Variants in CDKN2AIPNL observed in about 807,000 individuals in gnomAD.
CDKN2AIPNL encodes the protein XRN2 binding domain containing 1, also known as CDKN2AIP N-terminal-like protein.
CDKN2AIPNL carries 9 observed loss-of-function variants against 12.9 expected under a neutral mutation model. The ratio of observed to expected loss-of-function variants is 0.70; its 90% CI spans 0.42 to 1.22. CDKN2AIPNL has a LOEUF of 1.22. CDKN2AIPNL is among the 50% of genes most tolerant of loss of function. The probability of loss-of-function intolerance (pLI) is 0.00; values close to 1 mark genes in which losing one functional copy is unlikely to be tolerated. For missense variants in CDKN2AIPNL, 143 were observed against 153.6 expected, an observed-to-expected ratio of 0.93 and a Z score of 0.37; for synonymous variants, 53 against 61.7, an observed-to-expected ratio of 0.86 and a Z score of 0.66.
chr5:134,411,136 G>C (rs1469613494), intron 1 of CDKN2AIPNL: 5 of 702,308 alleles, frequency 7.1e-6, no homozygotes, highest in Non-Finnish European at 1.3e-5. Flanking sequence ...TCTCATTAGT[G>C]ATTAAAATCC....
In CDKN2AIPNL at chr5:134,411,730, T is replaced by G; in HGVS notation, c.125A>C (p.Glu42Ala). The change falls in exon 1 of 3, where the codon GAA becomes GCA. Residue 42 changes from glutamate (E) to alanine (A), a missense_variant. Glu to Ala is a moderately radical substitution (Grantham distance 107, BLOSUM62 -1). This residue lies in a region of CDKN2AIPNL where 111 missense variants were observed against 111.4 expected (regional missense o/e 1.00). Coordinates refer to ENST00000458198, the MANE Select transcript of CDKN2AIPNL (RefSeq NM_080656.3). ...ESEKQWKARM[E>A]FILRHLPDYR... ...GTCGGGCAGGTGGCGCAGGATGAATTCCATGCGGGCCTTCCATTGCTTCTC... is the reference window on the plus strand; with the variant it reads ...GTCGGGCAGGTGGCGCAGGATGAATGCCATGCGGGCCTTCCATTGCTTCTC... 1 of 1,613,092 alleles carries G rather than the reference T, an allele frequency of 6.2e-7. No homozygotes were observed. Among genetic ancestry groups the G allele is most frequent in the Non-Finnish European group, 8.5e-7 (1 of 1,179,826 alleles).
At chr5:134,405,330 C>T (rs1426610017) in intron 2 of CDKN2AIPNL, among the ~76,000 whole-genome samples, 1 of 151,338 alleles carries the variant, frequency 6.6e-6, no homozygotes, top group Non-Finnish European at 1.5e-5. Flanking sequence ...TGGTCTCGAT[C>T]TCCTGACCTT....
intron 2 of CDKN2AIPNL, among the ~76,000 whole-genome samples, chr5:134,405,544 G>A (rs1759091667): frequency 6.6e-6 from 1 of 151,860 alleles, no homozygotes; most frequent in South Asian, 2.1e-4. Flanking sequence ...AGCCTCTTGA[G>A]TAGCTGGGAT....
intron 2 of CDKN2AIPNL, among the ~76,000 whole-genome samples, chr5:134,405,327 G>C (rs575000747): frequency 2.0e-5 from 3 of 148,706 alleles, no homozygotes; most frequent in East Asian, 4.0e-4. Flanking sequence ...AGATGGTCTC[G>C]ATCTCCTGAC....
chr5:134,406,581 G>C (rs1056247539), intron 2 of CDKN2AIPNL, among the ~76,000 whole-genome samples: 3 of 152,186 alleles, frequency 2.0e-5, no homozygotes, highest in African/African-American at 7.2e-5. Flanking sequence ...CAGATGACTC[G>C]TTCTCAGAAT....
intron 1 of CDKN2AIPNL, 24 bp downstream of exon 1, chr5:134,411,592 C>A: frequency 6.3e-7 from 1 of 1,598,046 alleles, no homozygotes; most frequent in South Asian, 1.1e-5. Flanking sequence ...GGGACAGGAT[C>A]AGCCGGCCGG....
rs977573077 is a variant in CDKN2AIPNL, at chr5:134,402,088, T to C, written c.*827A>G. 3.3e-5 allele frequency: 5 copies of C among 150,314 alleles called. No homozygotes were observed. Among genetic ancestry groups the C allele is most frequent in the African/African-American group, 1.3e-4 (5 of 39,874 alleles). The allele number at this position is 150,314 out of a possible 1,614,324, so 9.3% of individuals were successfully genotyped here. A position where few individuals can be genotyped will look rare whatever the true frequency, so the allele number is the denominator to read the frequency against. On this transcript the variant is annotated 3_prime_UTR_variant, in exon 3 of 3. Coordinates refer to ENST00000458198, the MANE Select transcript of CDKN2AIPNL (RefSeq NM_080656.3). ...TATTACATCAACAACAAAAAGGCAT[T>C]TTATTTTATTATTTTTATTTTTTTT...
rs1477431606 is a variant in CDKN2AIPNL at position 134,411,820 on chromosome 5, T to G, written c.35A>C (p.Glu12Ala). 5 of 1,595,092 alleles carry G rather than the reference T, an allele frequency of 3.1e-6. No homozygotes were observed. The highest frequency in any genetic ancestry group is 4.3e-6 in the Non-Finnish European group (5 of 1,172,138). Residue 12 changes from glutamate to alanine, a missense_variant, in exon 1 of 3, where the codon GAG becomes GCG. By Grantham distance (107) the Glu-to-Ala change is moderately radical. This residue lies in a region of CDKN2AIPNL where 30 missense variants were observed against 25.2 expected (regional missense o/e 1.19). Transcript: ENST00000458198. Reference protein sequence around the residue: ...VGGEAAAAVEELVSGVRQAAD... With the variant: ...VGGEAAAAVEALVSGVRQAAD... The stretch of plus-strand genomic sequence containing the variant: ...CGCCTGCCGCACCCCCGAAACCAGC[T>G]CCTCCACTGCGGCAGCCGCCTCGCC...
chr5:134,405,219 C>A (rs1759084529), intron 2 of CDKN2AIPNL, among the ~76,000 whole-genome samples: 1 of 151,430 alleles, frequency 6.6e-6, no homozygotes, highest in Non-Finnish European at 1.5e-5. Flanking sequence ...CATTCTCCTG[C>A]CTCAGCCTCC....
chr5:134,410,595 T>C (rs1287085087), intron 1 of CDKN2AIPNL: 1 of 173,872 alleles, frequency 5.8e-6, no homozygotes, highest in Non-Finnish European at 1.2e-5. Flanking sequence ...AATGTTAGTC[T>C]AACAAAAACA....
chr5:134,405,315 C>T (rs1317470030), intron 2 of CDKN2AIPNL, among the ~76,000 whole-genome samples: 2 of 151,288 alleles, frequency 1.3e-5, no homozygotes, highest in Non-Finnish European at 3.0e-5. Context: ...CCGTGTTAGC[C>T]AAGATGGTCT....
At position 134,402,689 on chromosome 5, in the gene CDKN2AIPNL, T is replaced by C. The variant is rs1372472555; in HGVS notation, c.*226A>G. On this transcript the variant is annotated 3_prime_UTR_variant, in exon 3 of 3. Transcript: ENST00000458198. ...GTTGATGAACTCATCTTAGAGTGCA[T>C]GATTTATAAATACATAAATATCCAT... The C allele has an allele frequency of 1.7e-5, 7 of 422,220 alleles. No individual in the cohort carries two copies. The highest frequency in any genetic ancestry group is 1.7e-4 in the South Asian group (3 of 18,128). 26.2% of individuals were successfully genotyped at this position (422,220 alleles called of 1,614,324 possible).
chr5:134,404,782 A>C (rs1159757459), intron 2 of CDKN2AIPNL, among the ~76,000 whole-genome samples: 1 of 151,794 alleles, frequency 6.6e-6, no homozygotes, highest in East Asian at 1.9e-4. Flanking sequence ...TTTTCTTTCA[A>C]ATTTCTTTTT....
In CDKN2AIPNL at chr5:134,402,831, G is replaced by C. The variant is rs1759048957; in HGVS notation, c.*84C>G. ...GTTGGTAATACCAGGAGTCTTAAGA[G>C]AGCTGCTGTGGTCTATGTCACATTC... is the stretch of plus-strand genomic sequence containing the variant. On this transcript the variant is annotated 3_prime_UTR_variant, in exon 3 of 3. Coordinates refer to ENST00000458198, the MANE Select transcript of CDKN2AIPNL (RefSeq NM_080656.3). 1 of 1,235,336 alleles carries C rather than the reference G, an allele frequency of 8.1e-7. No individual in the cohort carries two copies. The highest frequency in any genetic ancestry group is 1.2e-6 in the Non-Finnish European group (1 of 856,346). The allele number at this position is 1,235,336 out of a possible 1,614,324, so 76.5% of individuals were successfully genotyped here. A position where few individuals can be genotyped will look rare whatever the true frequency, so the allele number is the denominator to read the frequency against.
intron 2 of CDKN2AIPNL, among the ~76,000 whole-genome samples, chr5:134,409,428 C>G (rs1759157801): frequency 6.6e-6 from 1 of 152,158 alleles, no homozygotes; most frequent in African/African-American, 2.4e-5. Flanking sequence ...AAAAGCCCAT[C>G]GCCTGAGATC....
At chr5:134,411,476 T>A (rs1759189176) in intron 1 of CDKN2AIPNL, 140 bp downstream of exon 1, 1 of 696,170 alleles carries the variant, frequency 1.4e-6, no homozygotes, top group African/African-American at 1.8e-5. Context: ...TGGGAATCAG[T>A]CTTCGGGCCG....
At chr5:134,404,647 T>C (rs1321159148) in intron 2 of CDKN2AIPNL, among the ~76,000 whole-genome samples, 3 of 151,062 alleles carry the variant, frequency 2.0e-5, no homozygotes, top group Non-Finnish European at 4.4e-5. Flanking sequence ...TTTTTTTTAA[T>C]ACTCACCAAC....
rs780640280 is a variant in CDKN2AIPNL at position 134,411,651 on chromosome 5, G to A, written c.204C>T (p.Ser68=). The stretch of plus-strand genomic sequence containing the variant: ...GGAAGAGATGGTTGGCCCAGACCAT[G>A]GAGAGGGAGAGCAGCTGGTCCAGGC... ...SGRLDQLLSL[S]MVWANHLFLG... The change falls in exon 1 of 3, where the codon TCC becomes TCT. Residue 68 remains serine (S), a synonymous_variant. Transcript: ENST00000458198. 1.9e-6 allele frequency: 3 copies of A among 1,613,062 alleles called. No homozygotes were observed. The highest frequency in any genetic ancestry group is 2.5e-6 in the Non-Finnish European group (3 of 1,179,778).
chr5:134,411,582 G>T, intron 1 of CDKN2AIPNL, 34 bp downstream of exon 1: 1 of 1,577,816 alleles, frequency 6.3e-7, no homozygotes, highest in Non-Finnish European at 8.7e-7. Context: ...CGGAAGATAG[G>T]GGACAGGATC....
Sources: allele counts gnomAD v4.1 joint callset (sites outside exome capture counted in the v4.1 genomes callset), GRCh38; gene constraint gnomAD v4.1.1; regional missense constraint gnomAD v4.1.1; transcripts MANE v1.5; gene names NCBI Gene and HGNC (gene_info 2026-07-23, HGNC 2026-07-21).